The following SEMA5A variants were observed in gnomAD, a reference collection of about 807,000 sequenced individuals.
The protein encoded by SEMA5A is semaphorin 5A.
SEMA5A carries 55 observed loss-of-function variants against 135.5 expected under a neutral mutation model. The ratio of observed to expected loss-of-function variants is 0.41; its 90% CI spans 0.33 to 0.51. The LOEUF (loss-of-function observed/expected upper bound fraction) is 0.51, where lower values mean the gene tolerates loss of function less well. Among genes scored for constraint, SEMA5A ranks in the 20% least tolerant of loss-of-function variants. The probability of loss-of-function intolerance (pLI) is 0.37; values close to 1 mark genes in which losing one functional copy is unlikely to be tolerated. For missense variants in SEMA5A, 1,290 were observed against 1,419.9 expected (o/e 0.91, Z 1.47); for synonymous variants, 580 against 546.5 (o/e 1.06, Z -0.85).
intron 1 of SEMA5A, among the ~76,000 whole-genome samples, chr5:9,478,363 C>T (rs1759750484): frequency 6.6e-6 from 1 of 152,168 alleles, no homozygotes; most frequent in Non-Finnish European, 1.5e-5. Context: ...AGAAGAGGGC[C>T]ACCATTCTCC....
intron 5 of SEMA5A, among the ~76,000 whole-genome samples, chr5:9,281,635 T>C (rs1750545512): frequency 6.6e-6 from 1 of 152,174 alleles, no homozygotes; most frequent in Non-Finnish European, 1.5e-5. Context: ...TCAGGGACAA[T>C]GAGAATTATC....
At chr5:9,476,699 A>C (rs1382703142) in intron 1 of SEMA5A, among the ~76,000 whole-genome samples, 1 of 152,154 alleles carries the variant, frequency 6.6e-6, no homozygotes, top group Admixed American at 6.5e-5. Context: ...CCTATTCTTC[A>C]TTTCAGGTGA....
chr5:9,296,258 A>G lies in SEMA5A; in HGVS notation c.270+22114T>C, dbSNP rs530157364. 4.7e-4 allele frequency among the ~76,000 whole-genome samples: 71 copies of G among 152,308 alleles called. No homozygotes were observed. In the Middle Eastern group the frequency reaches 0.014, roughly 29 times the overall value. ...TGTATAATTAATTTACTATCTGTAT[A>G]TCCGTTTACAGGCTTATCATATCTT... On this transcript the variant is annotated intron_variant, in intron 5 of 22. Coordinates refer to ENST00000382496, the MANE Select transcript of SEMA5A (RefSeq NM_003966.3).
At chr5:9,225,431 T>C (rs1038010444) in intron 7 of SEMA5A, among the ~76,000 whole-genome samples, 1 of 142,280 alleles carries the variant, frequency 7.0e-6, no homozygotes. Flanking sequence ...TAGCCACGCA[T>C]GGTGGCATGC....
At chr5:9,154,423 C>A in intron 12 of SEMA5A, 65 bp downstream of exon 12, 1 of 1,522,868 alleles carries the variant, frequency 6.6e-7, no homozygotes, top group East Asian at 2.3e-5. Flanking sequence ...TGAAGCCTCC[C>A]TGGCTCTCTC....
At chr5:9,511,133 A>G (rs1363848929) in intron 1 of SEMA5A, among the ~76,000 whole-genome samples, 1 of 152,166 alleles carries the variant, frequency 6.6e-6, no homozygotes, top group Non-Finnish European at 1.5e-5. Flanking sequence ...TATGGAATTC[A>G]TTTACAATGA....
At chr5:9,242,960 T>G (rs1218789513) in intron 5 of SEMA5A, among the ~76,000 whole-genome samples, 1 of 152,244 alleles carries the variant, frequency 6.6e-6, no homozygotes, top group African/African-American at 2.4e-5. Context: ...GCCCTTATGC[T>G]AATGCCCAAG....
chr5:9,064,237 G>C (rs16881902), intron 17 of SEMA5A, among the ~76,000 whole-genome samples: 1 of 152,162 alleles, frequency 6.6e-6, no homozygotes, highest in Admixed American at 6.5e-5. Context: ...TGTGGTCAGA[G>C]GAAAATGAGT....
rs1287333383 is a variant in SEMA5A at position 9,040,367 on chromosome 5, G to A, written c.*2530C>T. On this transcript the variant is annotated 3_prime_UTR_variant, in exon 23 of 23. Coordinates refer to ENST00000382496, the MANE Select transcript of SEMA5A (RefSeq NM_003966.3). ...GCTTTATGAAGGAGTTTCCAAGACA[G>A]GTGAGAGATCACACTGTGAAAGTCC... 1 of 152,148 alleles carries A rather than the reference G, an allele frequency of 6.6e-6. No individual in the cohort carries two copies. Among genetic ancestry groups the A allele is most frequent in the African/African-American group, 2.4e-5 (1 of 41,416 alleles). 9.4% of individuals were successfully genotyped at this position (152,148 alleles called of 1,614,324 possible).
At chr5:9,049,535 T>C (rs1228412722) in intron 21 of SEMA5A, among the ~76,000 whole-genome samples, 2 of 152,234 alleles carry the variant, frequency 1.3e-5, no homozygotes, top group African/African-American at 4.8e-5. Flanking sequence ...AACATGCCTA[T>C]GAAGCTTCAG....
chr5:9,432,466 T>C (rs1415335378), intron 2 of SEMA5A, among the ~76,000 whole-genome samples: 5 of 152,164 alleles, frequency 3.3e-5, no homozygotes, highest in Non-Finnish European at 5.9e-5. Context: ...TTTTCATATT[T>C]GGTCTCTTTG....
intron 3 of SEMA5A, among the ~76,000 whole-genome samples, chr5:9,339,740 T>C (rs969689541): frequency 2.6e-5 from 4 of 152,200 alleles, no homozygotes; most frequent in Admixed American, 1.3e-4. Context: ...GGACTTGATT[T>C]CATATGTGAC....
chr5:9,385,552 G>A (rs764570040), intron 2 of SEMA5A, among the ~76,000 whole-genome samples: 2 of 152,102 alleles, frequency 1.3e-5, no homozygotes, highest in African/African-American at 2.4e-5. Flanking sequence ...CCTACTTGAT[G>A]GCATTAGAGA....
chr5:9,395,099 A>C lies in SEMA5A; in HGVS notation c.-77-15076T>G, dbSNP rs145106458. On this transcript the variant is annotated intron_variant, in intron 2 of 22. Transcript: ENST00000382496. ...TTAATTTGGTAATTTAAAATGAGCAAAATATTTACATTTAAAGGAAGGAGG... is the reference window on the plus strand; with the variant it reads ...TTAATTTGGTAATTTAAAATGAGCACAATATTTACATTTAAAGGAAGGAGG... 2.3e-3 allele frequency among the ~76,000 whole-genome samples: 346 copies of C among 152,350 alleles called. 3 individuals are homozygous for C. The highest frequency in any genetic ancestry group is 7.8e-3 in the African/African-American group (323 of 41,578).
chr5:9,421,583 T>A (rs1252117269), intron 2 of SEMA5A, among the ~76,000 whole-genome samples: 4 of 152,242 alleles, frequency 2.6e-5, no homozygotes, highest in Non-Finnish European at 5.9e-5. Context: ...TGTATATTTT[T>A]AATTAGGATT....
intron 8 of SEMA5A, among the ~76,000 whole-genome samples, chr5:9,212,571 C>G (rs527944121): frequency 2.6e-5 from 4 of 152,198 alleles, no homozygotes; most frequent in African/African-American, 9.6e-5. Context: ...GATGAGGGCT[C>G]AAAGGGAAGA....
intron 16 of SEMA5A, among the ~76,000 whole-genome samples, chr5:9,072,550 C>T (rs1737826959): frequency 6.6e-6 from 1 of 152,152 alleles, no homozygotes; most frequent in Admixed American, 6.5e-5. Context: ...GTGTTACCCA[C>T]ACAGGACCAG....
At chr5:9,237,311 A>G (rs902690866) in intron 6 of SEMA5A, among the ~76,000 whole-genome samples, 1 of 152,250 alleles carries the variant, frequency 6.6e-6, no homozygotes, top group East Asian at 1.9e-4. Context: ...CAATTGCTCA[A>G]GAAACACATT....
At chr5:9,299,025 A>G (rs2150604887) in intron 5 of SEMA5A, among the ~76,000 whole-genome samples, 1 of 152,298 alleles carries the variant, frequency 6.6e-6, no homozygotes, top group East Asian at 1.9e-4. Flanking sequence ...TTGATAAACT[A>G]AGCCCACAGT....
Sources: allele counts gnomAD v4.1 joint callset (sites outside exome capture counted in the v4.1 genomes callset), GRCh38; gene constraint gnomAD v4.1.1; transcripts MANE v1.5; gene names NCBI Gene and HGNC (gene_info 2026-07-23, HGNC 2026-07-21).